SLX4: variants seen among roughly 807,000 people sequenced by gnomAD.
SLX4 encodes structure-specific endonuclease subunit SLX4.
A neutral mutation model predicts 146.2 loss-of-function variants in SLX4; 112 were observed. That is an observed-to-expected ratio of 0.77 (90% CI 0.66 to 0.90). SLX4 has a LOEUF of 0.90. Among genes scored for constraint, SLX4 ranks in the 40% least tolerant of loss-of-function variants. The pLI, the probability that SLX4 is intolerant of heterozygous loss-of-function variation, is 0.00. For missense variants in SLX4, 2,563 were observed against 2,392.7 expected (o/e 1.07, Z -1.49); for synonymous variants, 1,061 against 997.7 (o/e 1.06, Z -1.20).
rs367891675 is a variant in SLX4, at chr16:3,590,317, C to T, written c.3321G>A (p.Leu1107=). ...HQKGKERRSV[L]ECRNKGVLMF... ...TCAGGACCCCCTTATTTCTGCACTC[C>T]AGCACGGACCGACGCTCTTTGCCTT... Residue 1107 remains leucine (L), a synonymous_variant, in exon 12 of 15, where the codon CTG becomes CTA. Coordinates refer to ENST00000294008, the MANE Select transcript of SLX4 (RefSeq NM_032444.4). The surrounding 1 kb of genome is among the most constrained non-coding windows in gnomAD (Gnocchi z 4.8). 92 of 1,613,992 alleles carry T rather than the reference C, an allele frequency of 5.7e-5. No individual in the cohort carries two copies. Among genetic ancestry groups the T allele is most frequent in the Non-Finnish European group, 7.5e-5 (89 of 1,180,016 alleles).
intron 1 of SLX4, among the ~76,000 whole-genome samples, chr16:3,610,171 A>T (rs1291787439): frequency 6.6e-6 from 1 of 152,240 alleles, no homozygotes; most frequent in African/African-American, 2.4e-5. Flanking sequence ...AATGGCAGAA[A>T]GTTATTCCTT....
In SLX4 at chr16:3,590,599, T is replaced by A; in HGVS notation, c.3039A>T (p.Glu1013Asp). 1 of 1,613,716 alleles carries A rather than the reference T, an allele frequency of 6.2e-7. No homozygotes were observed. Among genetic ancestry groups the A allele is most frequent in the Non-Finnish European group, 8.5e-7 (1 of 1,179,670 alleles). ...GGCGATGAGAAACCTCCAGCCCCCT[T>A]TCCCTGACAGCGCCACTTTGTTCCT... ...EPEEQSGAVR[E>D]RGLEVSHRLA... Residue 1013 changes from glutamate (E) to aspartate (D), a missense_variant, in exon 12 of 15, where the codon GAA becomes GAT. By Grantham distance (45) the Glu-to-Asp change is conservative. Transcript: ENST00000294008. This position sits in a 1 kb window ranked among gnomAD's most constrained non-coding sequence, Gnocchi z 4.8.
Position 3,597,406 on chromosome 16 carries a change from A to T in SLX4, c.1656T>A (p.Pro552=). Residue 552 remains proline (P), a synonymous_variant, in exon 7 of 15, where the codon CCT becomes CCA. Coordinates refer to ENST00000294008, the MANE Select transcript of SLX4 (RefSeq NM_032444.4). This position sits in a 1 kb window ranked among gnomAD's most constrained non-coding sequence, Gnocchi z 4.4. ...MEDFYTARLV[P]PLVPQRPAQG... Reference sequence around the variant, plus strand: ...GGGCAGGCCGCTGGGGCACGAGAGGAGGGACCAGCCTGGCCGTGTAGAAGT... The same window carrying T: ...GGGCAGGCCGCTGGGGCACGAGAGGTGGGACCAGCCTGGCCGTGTAGAAGT... 1 of 1,595,548 alleles carries T rather than the reference A, an allele frequency of 6.3e-7. No individual in the cohort carries two copies. Among genetic ancestry groups the T allele is most frequent in the Admixed American group, 1.7e-5 (1 of 57,248 alleles).
intron 3 of SLX4, among the ~76,000 whole-genome samples, chr16:3,602,823 T>A (rs60409031): frequency 0.076 from 11,626 of 152,170 alleles, 473 homozygotes; most frequent in African/African-American, 0.1. Flanking sequence ...GCCTTTGGCG[T>A]TTAAAAGGCA....
Position 3,590,891 on chromosome 16 carries a change from G to A in SLX4, c.2747C>T (p.Ala916Val), listed in dbSNP as rs2151125242. Residue 916 changes from alanine to valine, a missense_variant, in exon 12 of 15, where the codon GCC becomes GTC. Coordinates refer to ENST00000294008, the MANE Select transcript of SLX4 (RefSeq NM_032444.4). The surrounding 1 kb of genome is among the most constrained non-coding windows in gnomAD (Gnocchi z 4.8). ...TCCCATCTTCTCCCAGGTGGTGGCG[G>A]CCTCATCTCTTCCTGGCTCCAACGG... ...MEPLEPGRDE[A>V]ATTWEKMGQC... The A allele has an allele frequency of 5.0e-6, 8 of 1,614,046 alleles. No homozygotes were observed. Among genetic ancestry groups the A allele is most frequent in the African/African-American group, 1.3e-5 (1 of 75,000 alleles).
intron 3 of SLX4, among the ~76,000 whole-genome samples, chr16:3,602,882 G>C (rs1218728023): frequency 6.6e-6 from 1 of 152,302 alleles, no homozygotes; most frequent in South Asian, 2.1e-4. Context: ...TTCTGGTCTT[G>C]AGATGGCTCC....
chr16:3,594,415 G>A lies in SLX4; in HGVS notation c.2160+38C>T, dbSNP rs746785362. 18 of 1,594,398 alleles carry A rather than the reference G, an allele frequency of 1.1e-5. No homozygotes were observed. In the African/African-American group the frequency reaches 2.1e-4, roughly 19 times the overall value. On this transcript the variant is annotated intron_variant, in intron 10 of 14. Coordinates refer to ENST00000294008, the MANE Select transcript of SLX4 (RefSeq NM_032444.4). ...AGAAAGGCAGGAGGAGAGAGGGAGA[G>A]AGAGGAAAGGAGGGCACACGGCAGC...
At chr16:3,594,996 C>T (rs548252038) in intron 9 of SLX4, among the ~76,000 whole-genome samples, 41 of 152,302 alleles carry the variant, frequency 2.7e-4, no homozygotes, top group Admixed American at 1.3e-3. Flanking sequence ...AGCTCGGGGA[C>T]CTGGCCAAGA....
chr16:3,601,744 A>G (rs1596530273), intron 4 of SLX4: 1 of 328,408 alleles, frequency 3.0e-6, no homozygotes, highest in East Asian at 7.8e-5. Flanking sequence ...CAACTGTGCA[A>G]TTTCAGAATC....
chr16:3,594,910 G>C (rs2040633866), intron 9 of SLX4, among the ~76,000 whole-genome samples: 1 of 152,194 alleles, frequency 6.6e-6, no homozygotes, highest in Non-Finnish European at 1.5e-5. Context: ...GCACTGAGTG[G>C]GACAGGCTGC....
intron 13 of SLX4, among the ~76,000 whole-genome samples, chr16:3,584,053 C>A (rs559228646): frequency 1.3e-5 from 2 of 152,182 alleles, no homozygotes; most frequent in South Asian, 4.1e-4. Context: ...GGGATGGTGG[C>A]AGCAGCAGCT....
At chr16:3,602,636 C>T (rs993192151) in intron 3 of SLX4, among the ~76,000 whole-genome samples, 2 of 152,220 alleles carry the variant, frequency 1.3e-5, no homozygotes, top group African/African-American at 4.8e-5. Flanking sequence ...ATGCTGGCAG[C>T]ACAGGACCAC....
At chr16:3,600,346 G>T (rs1445491597) in intron 5 of SLX4, among the ~76,000 whole-genome samples, 1 of 152,170 alleles carries the variant, frequency 6.6e-6, no homozygotes, top group Non-Finnish European at 1.5e-5. Context: ...GAGGCTGGGG[G>T]GTTGGGGACC....
chr16:3,603,342 C>G (rs1342422165), intron 3 of SLX4, among the ~76,000 whole-genome samples: 1 of 152,228 alleles, frequency 6.6e-6, no homozygotes, highest in African/African-American at 2.4e-5. Context: ...CCGCGTCCAG[C>G]CTGGTTTGGT....
rs2040559938 is a variant in SLX4, at chr16:3,589,862, G to A, written c.3776C>T (p.Ala1259Val). 2 of 1,613,060 alleles carry A rather than the reference G, an allele frequency of 1.2e-6. No individual in the cohort carries two copies. The highest frequency in any genetic ancestry group is 1.7e-5 in the Admixed American group (1 of 59,996). The part of the protein sequence containing the change: ...STTDTSWLVP[A>V]TPLASRSRDC... ...ACGGCTTCTGCTGGCCAGCGGGGTG[G>A]CGGGCACCAGCCACGAGGTGTCTGT... is the stretch of plus-strand genomic sequence containing the variant. The change falls in exon 12 of 15, where the codon GCC becomes GTC. Residue 1259 changes from alanine to valine, a missense_variant. Coordinates refer to ENST00000294008, the MANE Select transcript of SLX4 (RefSeq NM_032444.4). The surrounding 1 kb of genome is among the most constrained non-coding windows in gnomAD (Gnocchi z 6.2).
chr16:3,584,628 T>C lies in SLX4; in HGVS notation c.4739+141A>G, dbSNP rs2040486855. 3 of 761,252 alleles carry C rather than the reference T, an allele frequency of 3.9e-6. No individual in the cohort carries two copies. The Admixed American group carries it at 5.6e-5, about 14-fold the overall frequency. 47.2% of individuals were successfully genotyped at this position (761,252 alleles called of 1,614,324 possible). A position where few individuals can be genotyped will look rare whatever the true frequency, so the allele number is the denominator to read the frequency against. On this transcript the variant is annotated intron_variant, in intron 13 of 14. Coordinates refer to ENST00000294008, the MANE Select transcript of SLX4 (RefSeq NM_032444.4). ...CTCCCTAAGGAGCTGACTGCAGACC[T>C]TTCTTCCCAAGCCCAGGCCAGCTGC... is the stretch of plus-strand genomic sequence containing the variant.
intron 11 of SLX4, 82 bp from the exon 12 acceptor site, chr16:3,591,392 CAG>C: frequency 1.9e-6 from 3 of 1,574,284 alleles, no homozygotes; most frequent in East Asian, 4.5e-5. Flanking sequence ...CGGACCAGAG[CAG>C]AGTCTTCACC....
chr16:3,610,671 A>T (rs2040850378), intron 1 of SLX4, among the ~76,000 whole-genome samples: 1 of 152,190 alleles, frequency 6.6e-6, no homozygotes, highest in Admixed American at 6.5e-5. Context: ...GTTTTTATTC[A>T]TCGGCTTATT....
chr16:3,582,598 GC>G lies in SLX4; in HGVS notation c.5248del (p.Ala1750ArgfsTer7), dbSNP rs1218746953. 1.2e-6 allele frequency: 2 copies of G among 1,613,460 alleles called. No individual in the cohort carries two copies. The highest frequency in any genetic ancestry group is 4.5e-5 in the East Asian group (2 of 44,884). On this transcript the variant is annotated frameshift_variant, in exon 15 of 15. Transcript: ENST00000294008. LOFTEE classifies it low-confidence loss of function (END_TRUNC). ...VSASQAAVQA[A>X]DTDEALRCYI... The stretch of plus-strand genomic sequence containing the variant: ...GCACCTCAGCGCCTCGTCTGTGTCC[GC>G]CGCCTGCACGGCTGCCTGCGAGGCA...
Sources: gnomAD v4.1 joint callset for allele counts (sites outside exome capture counted in the v4.1 genomes callset) on GRCh38, gnomAD v4.1.1 for gene constraint, Gnocchi (gnomAD v3.1) non-coding constraint, MANE v1.5 for transcripts, NCBI Gene and HGNC (gene_info 2026-07-23, HGNC 2026-07-21) for gene names.